PDE1C: variants seen among roughly 807,000 people sequenced by gnomAD.
PDE1C encodes the protein phosphodiesterase 1C.
In PDE1C, 62 loss-of-function variants were observed where a neutral mutation model predicts 93.1. The ratio of observed to expected loss-of-function variants is 0.67; its 90% CI spans 0.54 to 0.82. PDE1C has a LOEUF of 0.82. PDE1C is among the 40% of genes least tolerant of loss of function. PDE1C has a pLI of 0.00. For missense variants in PDE1C, 742 were observed against 884.6 expected, an observed-to-expected ratio of 0.84 and a Z score of 2.04; for synonymous variants, 325 against 310.1, an observed-to-expected ratio of 1.05 and a Z score of -0.50.
At chr7:32,418,314 C>T (rs949733548) in intron 1 of PDE1C, among the ~76,000 whole-genome samples, 4 of 152,176 alleles carry the variant, frequency 2.6e-5, no homozygotes, top group South Asian at 2.1e-4. Context: ...AGTAAGACCC[C>T]CGTACTCACT....
At chr7:31,678,540 G>A in the PDE1C span, among the ~76,000 whole-genome samples, 1 of 152,282 alleles carries the variant, frequency 6.6e-6, no homozygotes, top group South Asian at 2.1e-4. Flanking sequence ...AATAAAGGAT[G>A]AGACAAAGGA....
chr7:31,681,002 G>A, the PDE1C span, among the ~76,000 whole-genome samples: 1 of 152,228 alleles, frequency 6.6e-6, no homozygotes, highest in Non-Finnish European at 1.5e-5. Context: ...TCAGGAAGTA[G>A]GGACCAGCCT....
chr7:31,685,669 G>A, the PDE1C span, among the ~76,000 whole-genome samples: 1 of 152,152 alleles, frequency 6.6e-6, no homozygotes, highest in African/African-American at 2.4e-5. Flanking sequence ...GTTTACCTAT[G>A]TAACAAACCT....
intron 1 of PDE1C, among the ~76,000 whole-genome samples, chr7:32,392,389 C>T (rs867471484): frequency 6.6e-6 from 1 of 152,148 alleles, no homozygotes; most frequent in East Asian, 1.9e-4. Flanking sequence ...CAATTCTTCA[C>T]ATAATTCTTC....
chr7:31,642,796 G>C, the PDE1C span: 1 of 1,614,016 alleles, frequency 6.2e-7, no homozygotes, highest in South Asian at 1.1e-5. Context: ...GGATGGGCCA[G>C]ATTCCAAAAG....
intron 2 of PDE1C, among the ~76,000 whole-genome samples, chr7:32,009,245 C>G (rs1252361437): frequency 6.6e-6 from 1 of 152,172 alleles, no homozygotes; most frequent in Non-Finnish European, 1.5e-5. Context: ...TTCCAGGGCT[C>G]AGTCCAACAC....
chr7:32,407,939 A>G (rs1442964281), intron 1 of PDE1C, among the ~76,000 whole-genome samples: 1 of 152,146 alleles, frequency 6.6e-6, no homozygotes, highest in Non-Finnish European at 1.5e-5. Context: ...TAAAGTCTTC[A>G]AAGAGATTTG....
chr7:31,761,368 A>G (rs1015360198), intron 17 of PDE1C, among the ~76,000 whole-genome samples: 11 of 152,194 alleles, frequency 7.2e-5, no homozygotes, highest in Admixed American at 3.9e-4. Context: ...ATAATTTTGA[A>G]GCAATAATCT....
chr7:31,930,726 G>A, intron 2 of PDE1C, among the ~76,000 whole-genome samples: 1 of 151,632 alleles, frequency 6.6e-6, no homozygotes, highest in East Asian at 1.9e-4. Flanking sequence ...GTACACACCT[G>A]TAGTCCCAGC....
chr7:31,651,900 G>T, the PDE1C span: 2 of 1,428,626 alleles, frequency 1.4e-6, no homozygotes, highest in South Asian at 2.5e-5. Context: ...ACCTGGGAAG[G>T]ATTGTTAAAT....
At chr7:31,823,863 AAAG>A (rs1405771187) in intron 13 of PDE1C, among the ~76,000 whole-genome samples, 5 of 152,132 alleles carry the variant, frequency 3.3e-5, no homozygotes, top group African/African-American at 1.2e-4. Context: ...GGAAAATCTC[AAAG>A]AAGTAACTAC....
intron 7 of PDE1C, among the ~76,000 whole-genome samples, chr7:31,853,439 T>G (rs1040068814): frequency 1.3e-5 from 2 of 152,186 alleles, no homozygotes; most frequent in East Asian, 3.9e-4. Flanking sequence ...TTCAGAAGAA[T>G]GAACTAAATG....
chr7:31,939,855 A>G (rs906352005), intron 2 of PDE1C, among the ~76,000 whole-genome samples: 5 of 152,180 alleles, frequency 3.3e-5, no homozygotes, highest in Non-Finnish European at 7.3e-5. Flanking sequence ...GCAACTCCCA[A>G]AAAGCAGTAC....
At chr7:31,632,573 T>C in the PDE1C span, among the ~76,000 whole-genome samples, 1 of 152,242 alleles carries the variant, frequency 6.6e-6, no homozygotes, top group African/African-American at 2.4e-5. Flanking sequence ...CATTTATTTA[T>C]TGATTTCAAA....
In PDE1C at chr7:31,896,521, TG is replaced by T. The variant is rs556518411; in HGVS notation, c.129-15662del. Among the ~76,000 whole-genome samples, 151 of 152,190 alleles carry T rather than the reference TG, an allele frequency of 9.9e-4. 4 individuals are homozygous for T. Among genetic ancestry groups the T allele is most frequent in the Admixed American group, 9.6e-3 (146 of 15,278 alleles). ...CCCAGAAAGCTTTCTTTAGCCTTCTTGTGGTATATTCACCTCCGTAGCAGCC... is the reference window on the plus strand; with the variant it reads ...CCCAGAAAGCTTTCTTTAGCCTTCTTTGGTATATTCACCTCCGTAGCAGCC... On this transcript the variant is annotated intron_variant, in intron 2 of 17. Coordinates refer to ENST00000396191, the MANE Select transcript of PDE1C (RefSeq NM_001191057.4).
the PDE1C span, among the ~76,000 whole-genome samples, chr7:31,646,281 C>T: frequency 6.6e-6 from 1 of 152,076 alleles, no homozygotes; most frequent in Non-Finnish European, 1.5e-5. Context: ...CCCAGTAAGA[C>T]CATTAATGTA....
intron 2 of PDE1C, among the ~76,000 whole-genome samples, chr7:32,206,143 C>T (rs11767859): frequency 0.98 from 148,951 of 152,060 alleles, 73,012 homozygotes; most frequent in East Asian, 1. Flanking sequence ...CGGCTTGACC[C>T]CCAGAGCTTA....
At chr7:32,390,163 T>G (rs1171999111) in intron 1 of PDE1C, among the ~76,000 whole-genome samples, 1 of 152,090 alleles carries the variant, frequency 6.6e-6, no homozygotes, top group Non-Finnish European at 1.5e-5. Context: ...TTGTTGGGAT[T>G]AAAACATATA....
chr7:32,367,104 G>A (rs1231150731), intron 1 of PDE1C, among the ~76,000 whole-genome samples: 1 of 152,082 alleles, frequency 6.6e-6, no homozygotes, highest in African/African-American at 2.4e-5. Context: ...AGAAATGAAG[G>A]AGAAATAAAA....
Sources: allele counts gnomAD v4.1 joint callset (sites outside exome capture counted in the v4.1 genomes callset), GRCh38; gene constraint gnomAD v4.1.1; transcripts MANE v1.5; gene names NCBI Gene and HGNC (gene_info 2026-07-23, HGNC 2026-07-21).